RPS3: variants seen among roughly 807,000 people sequenced by gnomAD.
RPS3 encodes ribosomal protein S3, also known as small ribosomal subunit protein uS3.
Under a neutral mutation model 25.8 loss-of-function variants are expected in RPS3, and 2 were observed. That is an observed-to-expected ratio of 0.08 (90% confidence interval 0.03 to 0.24). The LOEUF (loss-of-function observed/expected upper bound fraction) is 0.24, where lower values mean the gene tolerates loss of function less well. Ranked by LOEUF, RPS3 falls within the 10% of genes least tolerant of loss-of-function variation. The probability of loss-of-function intolerance (pLI) is 1.00; values close to 1 mark genes in which losing one functional copy is unlikely to be tolerated. For missense variants in RPS3, 107 were observed against 307.1 expected, an observed-to-expected ratio of 0.35 and a Z score of 4.87; for synonymous variants, 114 against 114.2, an observed-to-expected ratio of 1.00 and a Z score of 0.01.
intron 6 of RPS3, among the ~76,000 whole-genome samples, chr11:75,416,145 C>T (rs895816597): frequency 4.6e-5 from 7 of 152,198 alleles, no homozygotes; most frequent in African/African-American, 1.7e-4. Flanking sequence ...ACATCAGTTA[C>T]CTCCCTGTTC....
chr11:75,415,948 C>T (rs2135070405), intron 6 of RPS3, among the ~76,000 whole-genome samples: 1 of 149,396 alleles, frequency 6.7e-6, no homozygotes, highest in East Asian at 1.9e-4. Flanking sequence ...TGCACTCCAG[C>T]CTGGGTGAGA....
At chr11:75,401,846 G>T in intron 3 of RPS3, 113 bp downstream of exon 3, 1 of 680,442 alleles carries the variant, frequency 1.5e-6, no homozygotes, top group Non-Finnish European at 2.7e-6. Flanking sequence ...TGGTATAACT[G>T]TTGAAATTCT....
At chr11:75,402,616 A>C in intron 4 of RPS3, 170 bp downstream of exon 4, 1 of 617,178 alleles carries the variant, frequency 1.6e-6, no homozygotes, top group Non-Finnish European at 2.7e-6. Flanking sequence ...GGCTAACAAG[A>C]CTACTAAAGC....
At chr11:75,410,261 C>G (rs1384694159), downstream of RPS3, among the ~76,000 whole-genome samples, 24 of 151,422 alleles carry the variant, frequency 1.6e-4, no homozygotes, top group South Asian at 4.8e-3. Flanking sequence ...AGGGGCTCCT[C>G]ACTTCTCAGA....
At chr11:75,413,423 A>G (rs1948373801) in intron 6 of RPS3, among the ~76,000 whole-genome samples, 1 of 151,758 alleles carries the variant, frequency 6.6e-6, no homozygotes, top group African/African-American at 2.4e-5. Flanking sequence ...CGCCCAGCTA[A>G]TTTTTTGTAT....
At chr11:75,403,777 T>G in intron 4 of RPS3, 1 of 427,466 alleles carries the variant, frequency 2.3e-6, no homozygotes, top group Non-Finnish European at 4.2e-6. Context: ...TTTAGCCTTC[T>G]GAGGTGATTC....
intron 6 of RPS3, among the ~76,000 whole-genome samples, chr11:75,413,853 T>C (rs1396622158): frequency 6.6e-6 from 1 of 152,156 alleles, no homozygotes; most frequent in Admixed American, 6.5e-5. Context: ...ATAAGCAGCA[T>C]AGAACTTTAT....
chr11:75,420,428 C>T (rs1043305829), intron 6 of RPS3, among the ~76,000 whole-genome samples: 1 of 152,204 alleles, frequency 6.6e-6, no homozygotes, highest in African/African-American at 2.4e-5. Context: ...CACATCTGTG[C>T]TGCACTCAAG....
chr11:75,402,471 C>A lies in RPS3; in HGVS notation c.350+25C>A. 4 of 1,587,362 alleles carry A rather than the reference C, an allele frequency of 2.5e-6. No homozygotes were observed. In the South Asian group the frequency reaches 4.5e-5, roughly 18 times the overall value. Reference sequence around the variant, plus strand: ...GGTAAGTGTCCTGAGACCTAATGGTCATGACCTTTTGTGTGTATCAACATA... The same window carrying A: ...GGTAAGTGTCCTGAGACCTAATGGTAATGACCTTTTGTGTGTATCAACATA... On this transcript the variant is annotated intron_variant, in intron 4 of 6. Transcript: ENST00000531188.
At chr11:75,414,138 A>G (rs183764861) in intron 6 of RPS3, among the ~76,000 whole-genome samples, 4 of 152,332 alleles carry the variant, frequency 2.6e-5, no homozygotes, top group Admixed American at 2.6e-4. Flanking sequence ...TTTGGCTTCT[A>G]CAGTGGAAAT....
At chr11:75,401,497 AAAG>A (rs1948209392) in intron 2 of RPS3, 140 bp from the exon 3 acceptor site, 10 of 632,346 alleles carry the variant, frequency 1.6e-5, no homozygotes, top group Admixed American at 1.1e-4. Flanking sequence ...CTCAAAAAAA[AAAG>A]CTGCGTTTTA....
downstream of RPS3, among the ~76,000 whole-genome samples, chr11:75,410,563 C>T (rs1482232489): frequency 1.7e-4 from 26 of 151,800 alleles, no homozygotes; most frequent in South Asian, 4.2e-3. Context: ...CAGGCAGAGA[C>T]GCTCCTCACT....
rs1026828266 is a variant in RPS3 at position 75,404,976 on chromosome 11, T to C, written c.*3+108T>C. The C allele has an allele frequency of 1.3e-6, 1 of 762,048 alleles. No individual in the cohort carries two copies. The highest frequency in any genetic ancestry group is 2.0e-6 in the Non-Finnish European group (1 of 492,926). 47.2% of individuals were successfully genotyped at this position (762,048 alleles called of 1,614,324 possible). ...GGTAAGCGTTTGGTGAATAAAAATTTCATTTATTTGCTTTATGTGGGAGAA... is the reference window on the plus strand; with the variant it reads ...GGTAAGCGTTTGGTGAATAAAAATTCCATTTATTTGCTTTATGTGGGAGAA... On this transcript the variant is annotated intron_variant, in intron 6 of 6. Coordinates refer to ENST00000531188, the MANE Select transcript of RPS3 (RefSeq NM_001005.5). This position sits in a 1 kb window ranked among gnomAD's most constrained non-coding sequence, Gnocchi z 4.6.
rs1231972651 is a variant in RPS3, at chr11:75,405,876, C to T, written c.*266C>T. 4.9e-5 allele frequency: 12 copies of T among 247,024 alleles called. No individual in the cohort carries two copies. Among genetic ancestry groups the T allele is most frequent in the South Asian group, 1.4e-4 (3 of 21,502 alleles). 15.3% of individuals were successfully genotyped at this position (247,024 alleles called of 1,614,324 possible). ...AAGGCTGATAGCAAGCAAGGCAGCA[C>T]CTTGATTCGTTGTCCTGTAGTTCAG... On this transcript the variant is annotated 3_prime_UTR_variant, in exon 7 of 7. Transcript: ENST00000531188.
rs1384451921 is a variant in RPS3, at chr11:75,405,701, T to C, written c.*91T>C. ...TTTGTACAAAGACACAAGGTCTGAC[T>C]AGACTGTTCAGTATTCAGACTGAGG... On this transcript the variant is annotated 3_prime_UTR_variant, in exon 7 of 7. Transcript: ENST00000531188. 2.2e-6 allele frequency: 1 copy of C among 454,880 alleles called. No homozygotes were observed. 28.2% of individuals were successfully genotyped at this position (454,880 alleles called of 1,614,324 possible).
downstream of RPS3, among the ~76,000 whole-genome samples, chr11:75,410,016 C>G: frequency 7.4e-6 from 1 of 135,198 alleles, no homozygotes; most frequent in Admixed American, 7.1e-5. Flanking sequence ...TAGGGGCGGC[C>G]GGGCAGAGGC....
At chr11:75,410,880 A>G (rs1278641487), downstream of RPS3, among the ~76,000 whole-genome samples, 2 of 151,622 alleles carry the variant, frequency 1.3e-5, no homozygotes, top group East Asian at 3.9e-4. Flanking sequence ...CAGGCACTCT[A>G]TTTTTTATTA....
downstream of RPS3, among the ~76,000 whole-genome samples, chr11:75,408,138 G>GA (rs1009285706): frequency 3.3e-5 from 5 of 152,206 alleles, no homozygotes; most frequent in Non-Finnish European, 5.9e-5. Context: ...AATTGTGACA[G>GA]AAAAATGAAG....
At chr11:75,413,018 C>T (rs1948370054) in intron 6 of RPS3, among the ~76,000 whole-genome samples, 1 of 152,168 alleles carries the variant, frequency 6.6e-6, no homozygotes, top group African/African-American at 2.4e-5. Flanking sequence ...AGTGATCTGC[C>T]CACCTTGGCC....
Sources: gnomAD v4.1 joint callset for allele counts (sites outside exome capture counted in the v4.1 genomes callset) on GRCh38, gnomAD v4.1.1 for gene constraint, Gnocchi (gnomAD v3.1) non-coding constraint, MANE v1.5 for transcripts, NCBI Gene and HGNC (gene_info 2026-07-23, HGNC 2026-07-21) for gene names.